Variants in ITIH3 observed in about 807,000 individuals in gnomAD.
ITIH3 encodes the protein inter-alpha-trypsin inhibitor heavy chain H3.
In ITIH3, 81 loss-of-function variants were observed where a neutral mutation model predicts 96.5. The ratio of observed to expected loss-of-function variants is 0.84; its 90% CI spans 0.70 to 1.01. The LOEUF (loss-of-function observed/expected upper bound fraction) is 1.01. Ranked by LOEUF, ITIH3 falls within the 50% of genes least tolerant of loss-of-function variation. ITIH3 has a pLI of 0.00. For missense variants in ITIH3, 1,057 were observed against 1,139.3 expected, an observed-to-expected ratio of 0.93 and a Z score of 1.04; for synonymous variants, 422 against 445.2, an observed-to-expected ratio of 0.95 and a Z score of 0.66.
chr3:52,806,341 C>A lies in ITIH3; in HGVS notation c.1991C>A (p.Ala664Asp). 1.2e-6 allele frequency: 2 copies of A among 1,613,982 alleles called. No homozygotes were observed. The highest frequency in any genetic ancestry group is 1.7e-6 in the Non-Finnish European group (2 of 1,179,870). The change falls in exon 18 of 22, where the codon GCC (alanine) becomes GAC (aspartate). Residue 664 changes from alanine (A) to aspartate (D), a missense_variant. Coordinates refer to ENST00000449956, the MANE Select transcript of ITIH3 (RefSeq NM_002217.4). Reference sequence around the variant, plus strand: ...ATCCAAATTCCGGAGAAAGACGATGCCCTCTGCTTCAACATCGATGAAGCC... The same window carrying A: ...ATCCAAATTCCGGAGAAAGACGATGACCTCTGCTTCAACATCGATGAAGCC... ...FIIQIPEKDD[A>D]LCFNIDEAPG... is the part of the protein sequence containing the mutation.
chr3:52,805,521 G>C (rs1243852900), intron 15 of ITIH3: 12 of 1,237,956 alleles, frequency 9.7e-6, no homozygotes, highest in Non-Finnish European at 1.2e-5. Context: ...GATGTTTGCT[G>C]TGAGCATTAC....
At chr3:52,796,414 T>C in intron 2 of ITIH3, 67 bp from the exon 3 acceptor site, 1 of 1,436,664 alleles carries the variant, frequency 7.0e-7, no homozygotes, top group Non-Finnish European at 9.6e-7. Flanking sequence ...GCAAGGGAGG[T>C]GGCTGGGTTG....
chr3:52,796,959 C>A, intron 4 of ITIH3, 116 bp downstream of exon 4: 1 of 1,203,302 alleles, frequency 8.3e-7, no homozygotes, highest in Non-Finnish European at 1.2e-6. Flanking sequence ...CATAATTTTG[C>A]CATTATCCCA....
At chr3:52,806,484 A>G in intron 18 of ITIH3, 78 bp downstream of exon 18, 1 of 1,052,602 alleles carries the variant, frequency 9.5e-7, no homozygotes, top group Non-Finnish European at 1.4e-6. Flanking sequence ...GGCACAGGGA[A>G]CAGGTTCTCA....
At chr3:52,806,048 G>A in intron 16 of ITIH3, 55 bp from the exon 17 acceptor site, 1 of 1,569,272 alleles carries the variant, frequency 6.4e-7, no homozygotes, top group Non-Finnish European at 8.7e-7. Flanking sequence ...GGGGTCGTCG[G>A]GCGCCTCCCA....
chr3:52,796,055 T>C, intron 2 of ITIH3: 1 of 228,750 alleles, frequency 4.4e-6, no homozygotes, highest in East Asian at 1.1e-4. Context: ...CAGTTCCTCT[T>C]TGGGAGACAG....
chr3:52,798,951 A>G lies in ITIH3; in HGVS notation c.664-15A>G, dbSNP rs367850377. The G allele has an allele frequency of 5.0e-6, 8 of 1,612,034 alleles. No homozygotes were observed. In the East Asian group the frequency reaches 8.9e-5, roughly 18 times the overall value. ...CTGGCCGAGCTGAGCAAGGTCTTTC[A>G]TCTCCATCCCTTAGGGCCATGTGTC... is the stretch of plus-strand genomic sequence containing the variant. On this transcript the variant is annotated splice_polypyrimidine_tract_variant and intron_variant, in intron 6 of 21. Coordinates refer to ENST00000449956, the MANE Select transcript of ITIH3 (RefSeq NM_002217.4).
At chr3:52,804,593 T>TG (rs1699968729) in intron 14 of ITIH3, 133 bp from the exon 15 acceptor site, 24 of 877,244 alleles carry the variant, frequency 2.7e-5, no homozygotes, top group Non-Finnish European at 4.1e-5. Flanking sequence ...GGACACCCAG[T>TG]GGGGGAAGAG....
chr3:52,805,444 A>T, intron 15 of ITIH3: 2 of 1,081,638 alleles, frequency 1.8e-6, no homozygotes, highest in Non-Finnish European at 2.3e-6. Context: ...TTTACTATCA[A>T]GAAGCAACAG....
At chr3:52,805,878 T>C in intron 16 of ITIH3, 38 bp downstream of exon 16, 1 of 1,608,984 alleles carries the variant, frequency 6.2e-7, no homozygotes, top group Non-Finnish European at 8.5e-7. Context: ...CTCCCACTGC[T>C]TAGAGCCTGC....
chr3:52,804,886 G>A (rs773932633), intron 15 of ITIH3, 152 bp downstream of exon 15: 34 of 815,752 alleles, frequency 4.2e-5, no homozygotes, highest in Non-Finnish European at 5.8e-5. Context: ...AATCATGAAC[G>A]TGCCCCTCTC....
At chr3:52,803,146 A>C (rs1236639674) in intron 13 of ITIH3, among the ~76,000 whole-genome samples, 3 of 152,188 alleles carry the variant, frequency 2.0e-5, no homozygotes, top group Admixed American at 6.5e-5. Flanking sequence ...AGCTGAGCCC[A>C]CTGAGAGGGT....
At chr3:52,795,928 A>T in intron 2 of ITIH3, 1 of 404,622 alleles carries the variant, frequency 2.5e-6, no homozygotes, top group Admixed American at 4.2e-5. Context: ...CCACACCCTC[A>T]CGAAGCATCT....
chr3:52,808,703 GGGAT>G lies in ITIH3; in HGVS notation c.*29_*32del, dbSNP rs1386910513. On this transcript the variant is annotated 3_prime_UTR_variant, in exon 22 of 22. Coordinates refer to ENST00000449956, the MANE Select transcript of ITIH3 (RefSeq NM_002217.4). ...TTGAGTAGACACACCAGCTCCTGTT[GGGAT>G]GGATGGCCCGGATTTTATGGCATCT... 1.3e-6 allele frequency: 2 copies of G among 1,592,820 alleles called. No individual in the cohort carries two copies. Among genetic ancestry groups the G allele is most frequent in the Non-Finnish European group, 1.7e-6 (2 of 1,162,158 alleles).
At position 52,796,596 on chromosome 3, in the gene ITIH3, T is replaced by G. The variant is rs778089988; in HGVS notation, c.230T>G (p.Val77Gly). The G allele has an allele frequency of 6.2e-7, 1 of 1,612,898 alleles. No homozygotes were observed. Among genetic ancestry groups the G allele is most frequent in the African/African-American group, 1.3e-5 (1 of 74,808 alleles). Reference sequence around the variant, plus strand: ...AACCGTGCAGACACGGCCAAGGAGGTTTCCTTTGATGTGGAGCTGCCCAAG... The same window carrying G: ...AACCGTGCAGACACGGCCAAGGAGGGTTCCTTTGATGTGGAGCTGCCCAAG... ...AVNRADTAKE[V>G]SFDVELPKTA... The change falls in exon 3 of 22, where the codon GTT (valine) becomes GGT (glycine). Residue 77 changes from valine to glycine, a missense_variant. Physicochemically the swap from Val to Gly is moderately radical, Grantham distance 109. Coordinates refer to ENST00000449956, the MANE Select transcript of ITIH3 (RefSeq NM_002217.4).
chr3:52,799,593 G>C, intron 8 of ITIH3, 105 bp downstream of exon 8: 7 of 1,073,370 alleles, frequency 6.5e-6, no homozygotes, highest in Non-Finnish European at 9.3e-6. Flanking sequence ...TGAGGAGAAA[G>C]GGGACAGGAT....
intron 15 of ITIH3, 102 bp downstream of exon 15, chr3:52,804,836 A>G (rs1340305176): frequency 7.8e-7 from 1 of 1,281,990 alleles, no homozygotes; most frequent in African/African-American, 1.5e-5. Flanking sequence ...CCATGGGGGC[A>G]CACTTGGGAC....
At chr3:52,798,223 G>A (rs1027021537) in intron 6 of ITIH3, among the ~76,000 whole-genome samples, 2 of 152,182 alleles carry the variant, frequency 1.3e-5, no homozygotes, top group Admixed American at 6.5e-5. Flanking sequence ...TACAGGTCCC[G>A]AGGCTGAAGC....
intron 3 of ITIH3, 34 bp from the exon 4 acceptor site, chr3:52,796,705 T>G (rs376143479): frequency 6.2e-7 from 1 of 1,606,014 alleles, no homozygotes; most frequent in Non-Finnish European, 8.5e-7. Context: ...TGGCCCAGTG[T>G]GATCTCCCTA....
Sources: allele counts gnomAD v4.1 joint callset (sites outside exome capture counted in the v4.1 genomes callset), GRCh38; gene constraint gnomAD v4.1.1; transcripts MANE v1.5; gene names NCBI Gene and HGNC (gene_info 2026-07-23, HGNC 2026-07-21).